The following SCLT1 variants were observed in gnomAD, a reference collection of about 807,000 sequenced individuals.
SCLT1 encodes sodium channel and clathrin linker 1.
A neutral mutation model predicts 112.8 loss-of-function variants in SCLT1; 78 were observed. The observed-to-expected ratio is 0.69, with a 90% confidence interval of 0.58 to 0.83. SCLT1 has a LOEUF of 0.83. SCLT1 is among the 40% of genes least tolerant of loss of function. The pLI is 0.00. For missense variants in SCLT1, 747 were observed against 770.4 expected (o/e 0.97, Z 0.36); for synonymous variants, 257 against 254.7 (o/e 1.01, Z -0.09).
At chr4:129,042,359 C>A (rs921976318) in intron 4 of SCLT1, among the ~76,000 whole-genome samples, 1 of 152,120 alleles carries the variant, frequency 6.6e-6, no homozygotes, top group South Asian at 2.1e-4. Context: ...ACTCTAAACA[C>A]GTAGCTCACT....
At chr4:128,995,832 T>C (rs1204876624) in intron 8 of SCLT1, among the ~76,000 whole-genome samples, 1 of 152,012 alleles carries the variant, frequency 6.6e-6, no homozygotes, top group African/African-American at 2.4e-5. Flanking sequence ...GAAGCTGCAG[T>C]GCTGGATCAA....
At chr4:128,993,653 C>T (rs912313321) in intron 8 of SCLT1, among the ~76,000 whole-genome samples, 5 of 151,952 alleles carry the variant, frequency 3.3e-5, no homozygotes, top group African/African-American at 4.8e-5. Context: ...TTAGGAGACT[C>T]GAGAAGGTGC....
intron 2 of SCLT1, among the ~76,000 whole-genome samples, chr4:129,078,516 TAC>T (rs150358483): frequency 0.014 from 2,192 of 152,180 alleles, 48 homozygotes; most frequent in African/African-American, 0.044. Context: ...CTTAAATTAT[TAC>T]AGTTATTAAG....
chr4:129,024,506 A>G (rs941608646), intron 5 of SCLT1, among the ~76,000 whole-genome samples: 3 of 152,210 alleles, frequency 2.0e-5, no homozygotes, highest in Non-Finnish European at 2.9e-5. Context: ...TTAGAAGGAA[A>G]ACTAACAAAC....
At chr4:129,034,973 C>A (rs1012536887) in intron 5 of SCLT1, among the ~76,000 whole-genome samples, 31 of 152,234 alleles carry the variant, frequency 2.0e-4, no homozygotes, top group Admixed American at 9.8e-4. Flanking sequence ...AGTAATAAAA[C>A]ACCCAACAAA....
chr4:128,973,433 G>T (rs1375987315), intron 9 of SCLT1, among the ~76,000 whole-genome samples: 21 of 150,604 alleles, frequency 1.4e-4, no homozygotes, highest in African/African-American at 4.6e-4. Context: ...GTGGGGGGAG[G>T]GAGAGGGGAG....
intron 5 of SCLT1, among the ~76,000 whole-genome samples, chr4:129,020,779 A>T (rs1466900366): frequency 6.6e-6 from 1 of 152,220 alleles, no homozygotes; most frequent in Admixed American, 6.5e-5. Context: ...GTATGAATAT[A>T]TGTATATGTT....
intron 2 of SCLT1, among the ~76,000 whole-genome samples, chr4:129,049,273 A>T (rs1315630278): frequency 6.6e-6 from 1 of 151,960 alleles, no homozygotes; most frequent in East Asian, 1.9e-4. Context: ...AATGTGGCAC[A>T]TATACACCAT....
chr4:129,062,547 G>A (rs1750079991), intron 2 of SCLT1, among the ~76,000 whole-genome samples: 2 of 152,090 alleles, frequency 1.3e-5, no homozygotes, highest in African/African-American at 4.8e-5. Context: ...TCAGCTTCAA[G>A]AACTCTTTAG....
intron 18 of SCLT1, among the ~76,000 whole-genome samples, chr4:128,926,675 T>C (rs1023523042): frequency 1.3e-5 from 2 of 152,096 alleles, no homozygotes; most frequent in Admixed American, 1.3e-4. Flanking sequence ...CATTCAGTAA[T>C]ATACAATAAA....
intron 18 of SCLT1, among the ~76,000 whole-genome samples, chr4:128,916,156 G>A (rs1395075326): frequency 6.6e-6 from 1 of 152,084 alleles, no homozygotes; most frequent in Non-Finnish European, 1.5e-5. Flanking sequence ...GTGAAAAGAT[G>A]GACAGCCAAG....
intron 13 of SCLT1, among the ~76,000 whole-genome samples, chr4:128,954,943 A>C (rs1739096698): frequency 6.6e-6 from 1 of 152,176 alleles, no homozygotes. Flanking sequence ...TGTTCTTTTC[A>C]GTATCTAGAA....
intron 6 of SCLT1, among the ~76,000 whole-genome samples, chr4:129,001,940 C>A (rs1295862241): frequency 1.3e-5 from 2 of 151,882 alleles, no homozygotes; most frequent in Non-Finnish European, 2.9e-5. Flanking sequence ...TAGTCTAGAA[C>A]AAACAGCATG....
chr4:128,947,369 G>A (rs1327226677), intron 15 of SCLT1, among the ~76,000 whole-genome samples: 2 of 152,142 alleles, frequency 1.3e-5, no homozygotes, highest in Non-Finnish European at 2.9e-5. Context: ...TTGCAGGAGA[G>A]TGGTAACCAA....
intron 13 of SCLT1, among the ~76,000 whole-genome samples, chr4:128,954,151 C>G (rs1481420025): frequency 6.6e-6 from 1 of 151,944 alleles, no homozygotes; most frequent in Non-Finnish European, 1.5e-5. Context: ...ATTTTATGAT[C>G]TAAAGGTCTT....
intron 9 of SCLT1, among the ~76,000 whole-genome samples, chr4:128,981,658 G>C (rs911519620): frequency 1.3e-5 from 2 of 149,446 alleles, no homozygotes; most frequent in Admixed American, 1.3e-4. Context: ...CCCCCTACCC[G>C]CCAAATTATC....
chr4:129,015,861 A>G (rs1478125071), intron 5 of SCLT1, among the ~76,000 whole-genome samples: 1 of 151,902 alleles, frequency 6.6e-6, no homozygotes. Flanking sequence ...CTTCCTTCTG[A>G]GAATCTGTTA....
At chr4:129,088,657 A>C (rs1752592740) in intron 1 of SCLT1, among the ~76,000 whole-genome samples, 1 of 152,246 alleles carries the variant, frequency 6.6e-6, no homozygotes, top group Non-Finnish European at 1.5e-5. Context: ...TGAGTTTGGC[A>C]AGGCTGCAGA....
intron 3 of SCLT1, 97 bp from the exon 4 acceptor site, chr4:129,043,564 A>C (rs1747902518): frequency 3.3e-6 from 2 of 600,590 alleles, no homozygotes; most frequent in Admixed American, 3.5e-5. Context: ...TTTTATGTTT[A>C]GTTTACTCAT....
Sources: allele counts gnomAD v4.1 joint callset (sites outside exome capture counted in the v4.1 genomes callset), GRCh38; gene constraint gnomAD v4.1.1; transcripts MANE v1.5; gene names NCBI Gene and HGNC (gene_info 2026-07-23, HGNC 2026-07-21).